CNTN6: variants seen among roughly 807,000 people sequenced by gnomAD.
CNTN6 encodes the protein contactin-6.
A neutral mutation model predicts 122.8 loss-of-function variants in CNTN6; 137 were observed. The ratio of observed to expected loss-of-function variants is 1.12; its 90% CI spans 0.97 to 1.29. CNTN6 has a LOEUF of 1.29. Ranked by LOEUF, CNTN6 falls within the 50% of genes most tolerant of loss-of-function variation. The pLI is 0.00. For synonymous variants in CNTN6, 570 were observed against 426.0 expected (o/e 1.34, Z -4.16); for missense variants, 1,634 against 1,223.4 (o/e 1.34, Z -5.01).
At chr3:1,162,218 T>C (rs2093150782) in intron 2 of CNTN6, among the ~76,000 whole-genome samples, 1 of 152,196 alleles carries the variant, frequency 6.6e-6, no homozygotes, top group Non-Finnish European at 1.5e-5. Flanking sequence ...ACCAGCTCTA[T>C]AATCAGTTCT....
chr3:1,162,428 A>G (rs1204914168), intron 2 of CNTN6, among the ~76,000 whole-genome samples: 1 of 152,208 alleles, frequency 6.6e-6, no homozygotes, highest in Admixed American at 6.5e-5. Context: ...CTTCTTCGTA[A>G]AAGTCTTACA....
At chr3:1,298,146 CAT>C (rs1298458598) in intron 7 of CNTN6, 155 bp downstream of exon 7, 1 of 596,806 alleles carries the variant, frequency 1.7e-6, no homozygotes, top group Admixed American at 3.0e-5. Context: ...TTTAAACAAA[CAT>C]GTCTAATACT....
intron 4 of CNTN6, among the ~76,000 whole-genome samples, chr3:1,256,013 C>T (rs1227297883): frequency 2.0e-5 from 3 of 151,824 alleles, no homozygotes; most frequent in Admixed American, 6.6e-5. Flanking sequence ...GGAATACAGG[C>T]GTGTGCCACC....
Position 1,372,479 on chromosome 3 carries a change from G to C in CNTN6, c.1668+5G>C. ...CATTTTGAAAGGATTGGAGGAGTAA[G>C]TTACTGAAATTGTTAAGTGCTTAAT... On this transcript the variant is annotated splice_donor_5th_base_variant and intron_variant, in intron 13 of 22. Transcript: ENST00000446702. 1.9e-6 allele frequency: 3 copies of C among 1,595,978 alleles called. No individual in the cohort carries two copies. Among genetic ancestry groups the C allele is most frequent in the Non-Finnish European group, 2.6e-6 (3 of 1,172,888 alleles).
At position 1,320,962 on chromosome 3, in the gene CNTN6, A is replaced by G. The variant is rs1700758095; in HGVS notation, c.762-688A>G. Among the ~76,000 whole-genome samples the G allele has an allele frequency of 2.0e-5, 3 of 151,846 alleles. No homozygotes were observed. In the South Asian group the frequency reaches 6.2e-4, roughly 31 times the overall value. ...TAACTTTATTTACAAGTTCTTTATAACAGGGGACAGGCTGCGGTGTAAATC... is the reference window on the plus strand; with the variant it reads ...TAACTTTATTTACAAGTTCTTTATAGCAGGGGACAGGCTGCGGTGTAAATC... On this transcript the variant is annotated intron_variant, in intron 7 of 22. Coordinates refer to ENST00000446702, the MANE Select transcript of CNTN6 (RefSeq NM_001289080.2).
intron 2 of CNTN6, among the ~76,000 whole-genome samples, chr3:1,198,951 G>C (rs1239749821): frequency 2.0e-5 from 3 of 152,018 alleles, no homozygotes; most frequent in African/African-American, 7.2e-5. Flanking sequence ...AAAAGAATAG[G>C]ACACACAGAT....
intron 19 of CNTN6, among the ~76,000 whole-genome samples, chr3:1,384,562 A>G (rs977167179): frequency 2.6e-5 from 4 of 151,756 alleles, no homozygotes; most frequent in South Asian, 2.1e-4. Flanking sequence ...TCATCACTCA[A>G]TCTTTTTCAA....
chr3:1,327,890 G>C (rs1299702598), intron 10 of CNTN6, among the ~76,000 whole-genome samples: 1 of 151,576 alleles, frequency 6.6e-6, no homozygotes, highest in African/African-American at 2.4e-5. Context: ...AATATTTTCA[G>C]CTGCAAATTA....
At chr3:1,155,484 T>A (rs964852026) in intron 2 of CNTN6, among the ~76,000 whole-genome samples, 25 of 152,214 alleles carry the variant, frequency 1.6e-4, no homozygotes, top group Middle Eastern at 3.2e-3. Flanking sequence ...CTTAGGATTT[T>A]TTTTTTAATT....
At chr3:1,229,318 G>A (rs115550017) in intron 4 of CNTN6, among the ~76,000 whole-genome samples, 1,710 of 152,148 alleles carry the variant, frequency 0.011, 33 homozygotes, top group African/African-American at 0.038. Context: ...GACTTTGAAC[G>A]ATTCTGCCAC....
In CNTN6 at chr3:1,401,498, G is replaced by T. The variant is rs1378003718; in HGVS notation, c.2770G>T (p.Glu924Ter). ...AAACTCTAAATTATGCTTGAACTGG[G>T]AGCATGTAAAAACCATGGAAAATGA... Reference protein sequence around the residue: ...LTNSKLCLNWEHVKTMENESE... With the variant: ...LTNSKLCLNW The change falls in exon 21 of 23, where the codon GAG becomes TAG. Residue 924 changes from glutamate (E) to a stop codon, truncating the protein, a stop_gained. Coordinates refer to ENST00000446702, the MANE Select transcript of CNTN6 (RefSeq NM_001289080.2). LOFTEE classifies it high-confidence loss of function. The T allele has an allele frequency of 4.3e-6, 7 of 1,611,998 alleles. No individual in the cohort carries two copies. Among genetic ancestry groups the T allele is most frequent in the Non-Finnish European group, 5.9e-6 (7 of 1,178,626 alleles).
intron 14 of CNTN6, 49 bp from the exon 15 acceptor site, chr3:1,373,555 A>G (rs1709402457): frequency 6.4e-7 from 1 of 1,570,330 alleles, no homozygotes; most frequent in Admixed American, 1.9e-5. Flanking sequence ...TACCAAATTA[A>G]TGAATGTAAG....
intron 4 of CNTN6, among the ~76,000 whole-genome samples, chr3:1,261,026 G>C (rs1367487991): frequency 6.6e-6 from 1 of 152,102 alleles, no homozygotes; most frequent in Non-Finnish European, 1.5e-5. Context: ...AAGTATCAGA[G>C]AACTCTATGT....
Position 1,321,815 on chromosome 3 carries a change from G to C in CNTN6, c.927G>C (p.Lys309Asn), listed in dbSNP as rs1223798503. The change falls in exon 8 of 23, where the codon AAG (lysine) becomes AAC (asparagine). Residue 309 changes from lysine to asparagine, a missense_variant. By Grantham distance (94) the Lys-to-Asn change is moderately conservative (BLOSUM62 0). Coordinates refer to ENST00000446702, the MANE Select transcript of CNTN6 (RefSeq NM_001289080.2). ...ACCTTCGAGGAAGAAACCTTGCAAA[G>C]GGTCAACTCATTTTTTATGGTGAGC... ...ASNLRGRNLA[K>N]GQLIFYAPPE... is the part of the protein sequence containing the mutation. 2.5e-6 allele frequency: 4 copies of C among 1,604,012 alleles called. No homozygotes were observed. Among genetic ancestry groups the C allele is most frequent in the Non-Finnish European group, 3.4e-6 (4 of 1,175,608 alleles).
At chr3:1,265,049 T>TTTTTTC (rs2094906312) in intron 4 of CNTN6, among the ~76,000 whole-genome samples, 1 of 149,958 alleles carries the variant, frequency 6.7e-6, no homozygotes, top group African/African-American at 2.5e-5. Context: ...ATTTCCTTTT[T>TTTTTTC]TTTTTTTTTT....
chr3:1,204,140 A>G (rs1019108079), intron 2 of CNTN6, among the ~76,000 whole-genome samples: 1 of 152,156 alleles, frequency 6.6e-6, no homozygotes, highest in African/African-American at 2.4e-5. Flanking sequence ...CTTTTTCCAA[A>G]TGTTTATGTT....
intron 4 of CNTN6, among the ~76,000 whole-genome samples, chr3:1,276,280 T>A (rs1692343369): frequency 1.3e-5 from 2 of 152,174 alleles, no homozygotes; most frequent in African/African-American, 4.8e-5. Flanking sequence ...CACAGTAGGA[T>A]AATGGTGTAT....
intron 4 of CNTN6, among the ~76,000 whole-genome samples, chr3:1,229,184 G>A (rs1002805498): frequency 1.4e-4 from 21 of 152,194 alleles, no homozygotes; most frequent in Middle Eastern, 3.4e-3. Context: ...GGCTACTTTC[G>A]AACATAGGAT....
intron 5 of CNTN6, among the ~76,000 whole-genome samples, chr3:1,292,015 A>T (rs1320289202): frequency 6.6e-6 from 1 of 152,078 alleles, no homozygotes; most frequent in Non-Finnish European, 1.5e-5. Flanking sequence ...TTTAACCCCC[A>T]TCCATCGTCA....
Sources: gnomAD v4.1 joint callset for allele counts (sites outside exome capture counted in the v4.1 genomes callset) on GRCh38, gnomAD v4.1.1 for gene constraint, MANE v1.5 for transcripts, NCBI Gene and HGNC (gene_info 2026-07-23, HGNC 2026-07-21) for gene names.